Variants in GRM8 observed in about 807,000 individuals in gnomAD.
GRM8 encodes the protein metabotropic glutamate receptor 8.
In GRM8, 47 loss-of-function variants were observed where a neutral mutation model predicts 87.2. The observed-to-expected ratio is 0.54, with a 90% CI of 0.43 to 0.69. The LOEUF is 0.69. GRM8 is among the 30% of genes least tolerant of loss of function. The pLI, the probability that GRM8 is intolerant of heterozygous loss-of-function variation, is 0.00. For missense variants in GRM8, 1,019 were observed against 1,139.2 expected, an observed-to-expected ratio of 0.89 and a Z score of 1.52; for synonymous variants, 396 against 404.5, an observed-to-expected ratio of 0.98 and a Z score of 0.25.
At chr7:126,468,847 C>T (rs117112516) in intron 9 of GRM8, among the ~76,000 whole-genome samples, 2 of 152,186 alleles carry the variant, frequency 1.3e-5, no homozygotes, top group East Asian at 1.9e-4. Flanking sequence ...ATTAGATTGT[C>T]CTCTTCAATC....
intron 6 of GRM8, among the ~76,000 whole-genome samples, chr7:126,828,195 C>A (rs956328050): frequency 3.3e-5 from 5 of 152,056 alleles, no homozygotes; most frequent in South Asian, 4.2e-4. Flanking sequence ...TGTCTCTGCC[C>A]GGCTTTGGTA....
At chr7:127,113,478 T>A (rs1826506238) in intron 2 of GRM8, among the ~76,000 whole-genome samples, 1 of 152,212 alleles carries the variant, frequency 6.6e-6, no homozygotes, top group Admixed American at 6.5e-5. Flanking sequence ...TTTTTTGTTT[T>A]TTTCCCCCCT....
intron 2 of GRM8, among the ~76,000 whole-genome samples, chr7:127,217,701 G>A (rs117370518): frequency 3.5e-4 from 54 of 152,198 alleles, no homozygotes; most frequent in South Asian, 2.7e-3. Context: ...AGATACTCCC[G>A]TGTTTGCTCC....
intron 7 of GRM8, among the ~76,000 whole-genome samples, chr7:126,678,910 A>G (rs1807264668): frequency 1.3e-5 from 2 of 152,234 alleles, no homozygotes; most frequent in African/African-American, 4.8e-5. Flanking sequence ...TTAAGTATAG[A>G]AATGTCTTTG....
At chr7:127,067,222 G>A (rs1042032596) in intron 3 of GRM8, among the ~76,000 whole-genome samples, 1 of 152,128 alleles carries the variant, frequency 6.6e-6, no homozygotes, top group Non-Finnish European at 1.5e-5. Context: ...CCTTCAAGAG[G>A]AGCATCATAA....
intron 3 of GRM8, among the ~76,000 whole-genome samples, chr7:127,100,589 T>A (rs573892235): frequency 1.8e-4 from 27 of 152,342 alleles, no homozygotes; most frequent in African/African-American, 6.5e-4. Context: ...GGGGGTGGCC[T>A]CAAATCATAG....
chr7:126,507,157 C>T (rs181075503), intron 9 of GRM8, among the ~76,000 whole-genome samples: 98 of 152,168 alleles, frequency 6.4e-4, no homozygotes, highest in African/African-American at 2.2e-3. Context: ...TCCAAATCAC[C>T]TACAGCCAAA....
Position 127,106,540 on chromosome 7 carries a change from C to T in GRM8, c.683G>A (p.Gly228Asp), listed in dbSNP as rs1426787166. Residue 228 changes from glycine (G) to aspartate (D), a missense_variant, in exon 3 of 11, where the codon GGT becomes GAT. By Grantham distance (94) the Gly-to-Asp change is moderately conservative. Transcript: ENST00000339582. The stretch of plus-strand genomic sequence containing the variant: ...GGTGAAGGCCTCCACACCGCTCTCA[C>T]CATAGTTCCCCTCAGAAGCCAGTGT... ...VSTLASEGNYGESGVEAFTQI... is the reference protein window; with the variant it reads ...VSTLASEGNYDESGVEAFTQI... 6 of 1,613,986 alleles carry T rather than the reference C, an allele frequency of 3.7e-6. No individual in the cohort carries two copies. The Admixed American group carries it at 8.3e-5, about 22-fold the overall frequency.
In GRM8 at chr7:126,979,969, T is replaced by C. The variant is rs113616732; in HGVS notation, c.728-75286A>G. ...CCCAATACAGTAGCCACAAGCTGCA[T>C]GTGGCAATTAGTTCCTCAGATGTAC... On this transcript the variant is annotated intron_variant, in intron 3 of 10. Transcript: ENST00000339582. Among the ~76,000 whole-genome samples the C allele has an allele frequency of 8.0e-4, 122 of 152,356 alleles. 1 individual carries two copies. The highest frequency in any genetic ancestry group is 2.8e-3 in the African/African-American group (116 of 41,596).
At chr7:126,484,882 GT>G (rs11444825) in intron 9 of GRM8, among the ~76,000 whole-genome samples, 11 of 146,238 alleles carry the variant, frequency 7.5e-5, no homozygotes, top group South Asian at 4.3e-4. Flanking sequence ...AACGTTTTTT[GT>G]TTTTTTTTTT....
intron 2 of GRM8, among the ~76,000 whole-genome samples, chr7:127,178,764 C>G (rs1266912072): frequency 3.3e-5 from 5 of 152,148 alleles, no homozygotes; most frequent in African/African-American, 1.2e-4. Flanking sequence ...AGGAAAGATA[C>G]TGTTGTTTTC....
At chr7:126,914,466 A>T (rs1803656872) in intron 3 of GRM8, among the ~76,000 whole-genome samples, 1 of 152,174 alleles carries the variant, frequency 6.6e-6, no homozygotes, top group African/African-American at 2.4e-5. Flanking sequence ...ACACACATGC[A>T]CCTATATGTT....
intron 2 of GRM8, among the ~76,000 whole-genome samples, chr7:127,153,759 T>C (rs1347730544): frequency 6.6e-6 from 1 of 152,162 alleles, no homozygotes; most frequent in African/African-American, 2.4e-5. Context: ...TAGATGCTCA[T>C]ATTTGACTCA....
At chr7:126,577,916 C>T (rs1454267531) in intron 8 of GRM8, among the ~76,000 whole-genome samples, 2 of 152,086 alleles carry the variant, frequency 1.3e-5, no homozygotes, top group Non-Finnish European at 2.9e-5. Context: ...AAATCTCCCA[C>T]CAAACCCAAC....
chr7:126,956,017 C>G (rs1325560395), intron 3 of GRM8, among the ~76,000 whole-genome samples: 1 of 152,054 alleles, frequency 6.6e-6, no homozygotes, highest in Non-Finnish European at 1.5e-5. Flanking sequence ...ACCCTTTGCA[C>G]ATGTATATGT....
chr7:126,520,939 T>C (rs886867161), intron 9 of GRM8, among the ~76,000 whole-genome samples: 3 of 152,154 alleles, frequency 2.0e-5, no homozygotes, highest in African/African-American at 4.8e-5. Flanking sequence ...TTCGATAAAT[T>C]GCCATTTGAT....
intron 9 of GRM8, among the ~76,000 whole-genome samples, chr7:126,482,285 C>A (rs1230709082): frequency 6.6e-6 from 1 of 151,990 alleles, no homozygotes; most frequent in Admixed American, 6.6e-5. Flanking sequence ...TATAACCCAG[C>A]AATTCCACTT....
intron 3 of GRM8, among the ~76,000 whole-genome samples, chr7:126,915,066 G>T (rs1803750041): frequency 1.3e-5 from 2 of 152,304 alleles, no homozygotes; most frequent in Middle Eastern, 3.4e-3. Flanking sequence ...GGTTCACAGG[G>T]TCAGCGTCCA....
rs527867055 is a variant in GRM8 at position 126,633,268 on chromosome 7, C to A, written c.1358-23770G>T. ...TCCATTACCCTGGTTCTGTAAAAAA[C>A]AAACAAACAAACAAAAAACAAATTA... On this transcript the variant is annotated intron_variant, in intron 7 of 10. Coordinates refer to ENST00000339582, the MANE Select transcript of GRM8 (RefSeq NM_000845.3). Among the ~76,000 whole-genome samples, 286 of 152,106 alleles carry A rather than the reference C, an allele frequency of 1.9e-3. 1 individual carries two copies. The highest frequency in any genetic ancestry group is 6.1e-3 in the African/African-American group (255 of 41,522).
Sources: gnomAD v4.1 joint callset for allele counts (sites outside exome capture counted in the v4.1 genomes callset) on GRCh38, gnomAD v4.1.1 for gene constraint, MANE v1.5 for transcripts, NCBI Gene and HGNC (gene_info 2026-07-23, HGNC 2026-07-21) for gene names.